The following SLC35F4 variants were observed in gnomAD, a reference collection of about 807,000 sequenced individuals.
SLC35F4 encodes chromosome 14 open reading frame 36.
SLC35F4 carries 24 observed loss-of-function variants against 44.2 expected under a neutral mutation model. The ratio of observed to expected loss-of-function variants is 0.54; its 90% confidence interval spans 0.39 to 0.76. The LOEUF (loss-of-function observed/expected upper bound fraction) is 0.76. Ranked by LOEUF, SLC35F4 falls within the 30% of genes least tolerant of loss-of-function variation. SLC35F4 has a pLI of 0.00. For synonymous variants in SLC35F4, 238 were observed against 223.6 expected (o/e 1.06, Z -0.57); for missense variants, 562 against 586.1 (o/e 0.96, Z 0.42).
At chr14:57,572,195 A>G (rs994766841) in intron 4 of SLC35F4, among the ~76,000 whole-genome samples, 176 bp from the exon 5 acceptor site, 8 of 152,232 alleles carry the variant, frequency 5.3e-5, no homozygotes, top group Admixed American at 2.6e-4. Flanking sequence ...TTCATGAGAT[A>G]TCCAGGCACA....
intron 1 of SLC35F4, among the ~76,000 whole-genome samples, chr14:57,595,392 A>G (rs1359797076): frequency 6.6e-6 from 1 of 152,144 alleles, no homozygotes; most frequent in East Asian, 1.9e-4. Context: ...TCACCCAGCC[A>G]AGGTCGTGTT....
chr14:57,569,034 C>G (rs1430135855), intron 6 of SLC35F4, among the ~76,000 whole-genome samples: 2 of 152,086 alleles, frequency 1.3e-5, no homozygotes, highest in Non-Finnish European at 2.9e-5. Flanking sequence ...TCAGGTGAAG[C>G]AGCCAGCCTC....
intron 1 of SLC35F4, among the ~76,000 whole-genome samples, chr14:57,844,212 C>A (rs1249580068): frequency 6.6e-6 from 1 of 152,080 alleles, no homozygotes; most frequent in African/African-American, 2.4e-5. Flanking sequence ...CAGAAATATC[C>A]AGAAATGTCA....
intron 1 of SLC35F4, among the ~76,000 whole-genome samples, chr14:57,929,251 G>A (rs192859859): frequency 6.6e-6 from 1 of 152,176 alleles, no homozygotes; most frequent in Admixed American, 6.5e-5. Flanking sequence ...CAGTGGTCAA[G>A]GTGAAATAAT....
chr14:57,865,761 C>T lies in SLC35F4; in HGVS notation c.65G>A (p.Gly22Asp). Residue 22 changes from glycine (G) to aspartate (D), a missense_variant, in exon 1 of 8, where the codon GGC becomes GAC. Physicochemically the swap from Gly to Asp is moderately conservative, Grantham distance 94. Transcript: ENST00000556826. ...GTAACCTGGATAATAGCCATAGTAGCCGGTGATCCGCAGGATCCGGTCCTC... is the reference window on the plus strand; with the variant it reads ...GTAACCTGGATAATAGCCATAGTAGTCGGTGATCCGCAGGATCCGGTCCTC... Reference protein sequence around the residue: ...TIEDRILRITGYYGYYPGYSS... With the variant: ...TIEDRILRITDYYGYYPGYSS... 1.3e-6 allele frequency: 2 copies of T among 1,523,918 alleles called. No homozygotes were observed. Among genetic ancestry groups the T allele is most frequent in the Non-Finnish European group, 1.8e-6 (2 of 1,142,006 alleles). The allele number at this position is 1,523,918 out of a possible 1,614,324, so 94.4% of individuals were successfully genotyped here.
chr14:57,699,110 T>C (rs745685723), intron 1 of SLC35F4, among the ~76,000 whole-genome samples: 2 of 152,140 alleles, frequency 1.3e-5, no homozygotes, highest in African/African-American at 4.8e-5. Context: ...GAATAGACCA[T>C]ATAGACATTT....
chr14:57,946,287 T>G (rs2141076707), intron 1 of SLC35F4, among the ~76,000 whole-genome samples: 1 of 152,240 alleles, frequency 6.6e-6, no homozygotes, highest in Admixed American at 6.5e-5. Flanking sequence ...TGATCCATCT[T>G]GAGTTGATTT....
intron 1 of SLC35F4, among the ~76,000 whole-genome samples, chr14:57,750,747 G>C (rs1286104656): frequency 6.6e-6 from 1 of 152,084 alleles, no homozygotes; most frequent in Non-Finnish European, 1.5e-5. Context: ...TGTTGTTGTT[G>C]TTGTTGCTGA....
chr14:57,924,739 G>C (rs1889517871), intron 1 of SLC35F4, among the ~76,000 whole-genome samples: 1 of 151,898 alleles, frequency 6.6e-6, no homozygotes. Flanking sequence ...TAGCCACCAA[G>C]CCCAGCCTAC....
At chr14:57,829,272 C>T (rs1391759824) in intron 1 of SLC35F4, among the ~76,000 whole-genome samples, 1 of 152,174 alleles carries the variant, frequency 6.6e-6, no homozygotes, top group East Asian at 1.9e-4. Context: ...GCTGGGATCA[C>T]TGTGAGCAGA....
At chr14:57,819,286 G>C (rs1407136301) in intron 1 of SLC35F4, among the ~76,000 whole-genome samples, 1 of 151,882 alleles carries the variant, frequency 6.6e-6, no homozygotes, top group Non-Finnish European at 1.5e-5. Context: ...AATATATAAA[G>C]ATATGTCATA....
intron 1 of SLC35F4, among the ~76,000 whole-genome samples, chr14:57,893,828 T>C (rs1888820585): frequency 6.6e-6 from 1 of 151,170 alleles, no homozygotes; most frequent in Non-Finnish European, 1.5e-5. Flanking sequence ...CAAAACAAAC[T>C]AACCCCTCAA....
At chr14:57,773,167 C>T (rs2140693097) in intron 1 of SLC35F4, among the ~76,000 whole-genome samples, 1 of 152,084 alleles carries the variant, frequency 6.6e-6, no homozygotes, top group South Asian at 2.1e-4. Flanking sequence ...ATGTCTTTTG[C>T]CCAGCTTTTA....
intron 1 of SLC35F4, among the ~76,000 whole-genome samples, chr14:57,761,154 C>T (rs1323660743): frequency 6.6e-6 from 1 of 152,110 alleles, no homozygotes. Flanking sequence ...AGATTATTGG[C>T]CTTCATTGCC....
At chr14:57,679,665 G>C (rs572654268) in intron 1 of SLC35F4, among the ~76,000 whole-genome samples, 17 of 151,906 alleles carry the variant, frequency 1.1e-4, no homozygotes, top group Non-Finnish European at 1.5e-4. Flanking sequence ...GAATCAAATA[G>C]ATGCAATAAA....
At chr14:57,804,255 A>G (rs1265026847) in intron 1 of SLC35F4, among the ~76,000 whole-genome samples, 2 of 152,226 alleles carry the variant, frequency 1.3e-5, no homozygotes, top group Non-Finnish European at 2.9e-5. Flanking sequence ...TCTTCACATA[A>G]GTACAAAAAA....
At chr14:57,699,369 T>G (rs2075473416) in intron 1 of SLC35F4, among the ~76,000 whole-genome samples, 1 of 152,154 alleles carries the variant, frequency 6.6e-6, no homozygotes, top group African/African-American at 2.4e-5. Context: ...ATTTTAACAC[T>G]TTTTCAGATT....
At chr14:57,927,208 T>C (rs1889594180) in intron 1 of SLC35F4, among the ~76,000 whole-genome samples, 1 of 152,212 alleles carries the variant, frequency 6.6e-6, no homozygotes, top group African/African-American at 2.4e-5. Flanking sequence ...ACAAACTTCC[T>C]GGAAGTGGTA....
intron 5 of SLC35F4, among the ~76,000 whole-genome samples, 172 bp from the exon 6 acceptor site, chr14:57,570,152 C>G (rs528484758): frequency 1.3e-5 from 2 of 152,290 alleles, no homozygotes; most frequent in Non-Finnish European, 2.9e-5. Flanking sequence ...TTAAAATACT[C>G]CATAGCCTTC....
Sources: gnomAD v4.1 joint callset for allele counts (sites outside exome capture counted in the v4.1 genomes callset) on GRCh38, gnomAD v4.1.1 for gene constraint, MANE v1.5 for transcripts, NCBI Gene and HGNC (gene_info 2026-07-23, HGNC 2026-07-21) for gene names.